The following PPP1R13B variants were observed in gnomAD, a reference collection of about 807,000 sequenced individuals.
The protein encoded by PPP1R13B is protein phosphatase 1 regulatory subunit 13B.
PPP1R13B carries 44 observed loss-of-function variants against 119.8 expected under a neutral mutation model. The ratio of observed to expected loss-of-function variants is 0.37; its 90% confidence interval spans 0.29 to 0.47. The LOEUF is 0.47. PPP1R13B is among the 20% of genes least tolerant of loss of function. The pLI is 0.99. For missense variants in PPP1R13B, 1,227 were observed against 1,413.5 expected (o/e 0.87, Z 2.12); for synonymous variants, 542 against 561.5 (o/e 0.97, Z 0.49).
chr14:103,824,291 G>A (rs536970340), intron 1 of PPP1R13B, among the ~76,000 whole-genome samples: 3 of 150,288 alleles, frequency 2.0e-5, no homozygotes, highest in East Asian at 2.0e-4. Context: ...TGATCTGCCC[G>A]CCTCGGCCTC....
chr14:103,847,884 G>C (rs1379916180), upstream of PPP1R13B: 1 of 155,042 alleles, frequency 6.4e-6, no homozygotes, highest in South Asian at 2.0e-4. Context: ...GGGAAGGGCC[G>C]GCCCGGGTCC....
In PPP1R13B at chr14:103,781,730, C is replaced by T. The variant is rs368499763; in HGVS notation, c.278-2909G>A. 5.3e-5 allele frequency among the ~76,000 whole-genome samples: 8 copies of T among 152,164 alleles called. No individual in the cohort carries two copies. In the East Asian group the frequency reaches 7.7e-4, roughly 15 times the overall value. ...GTAGTGGCGCGATCTCAGCTCGCTG[C>T]AAGCTCTGCCTCCCGGGTTCACACC... On this transcript the variant is annotated intron_variant, in intron 3 of 16. Transcript: ENST00000202556.
At chr14:103,837,537 A>T (rs772428400) in intron 1 of PPP1R13B, among the ~76,000 whole-genome samples, 5 of 151,716 alleles carry the variant, frequency 3.3e-5, no homozygotes, top group Admixed American at 3.3e-4. Flanking sequence ...TCTCTCTCTC[A>T]CACACACTTA....
intron 4 of PPP1R13B, chr14:103,759,185 C>T (rs575634074): frequency 6.6e-6 from 1 of 152,338 alleles, no homozygotes; most frequent in East Asian, 1.9e-4. Context: ...GTCTTGAACT[C>T]CTGACCTCGT....
chr14:103,802,348 T>G (rs2085920096), intron 1 of PPP1R13B, among the ~76,000 whole-genome samples: 1 of 152,128 alleles, frequency 6.6e-6, no homozygotes, highest in South Asian at 2.1e-4. Flanking sequence ...ATAATAAATT[T>G]TCCCAAATCA....
chr14:103,737,946 T>A (rs533125453), intron 14 of PPP1R13B, 86 bp from the exon 15 acceptor site: 1 of 1,414,430 alleles, frequency 7.1e-7, no homozygotes, highest in African/African-American at 1.4e-5. Flanking sequence ...CTAAGGAATC[T>A]CGCGGAAGGC....
intron 4 of PPP1R13B, chr14:103,763,288 C>T (rs919709826): frequency 1.9e-5 from 7 of 375,388 alleles, no homozygotes; most frequent in East Asian, 5.1e-5. Flanking sequence ...TAGCACAGTG[C>T]GTCCATTTAG....
intron 1 of PPP1R13B, chr14:103,846,672 A>T: frequency 2.2e-6 from 1 of 451,158 alleles, no homozygotes; most frequent in Non-Finnish European, 4.5e-6. Context: ...ATGTCTTTCT[A>T]GGCGAAAGCA....
chr14:103,771,612 T>C (rs909115526), intron 4 of PPP1R13B, among the ~76,000 whole-genome samples: 6 of 151,394 alleles, frequency 4.0e-5, no homozygotes, highest in Non-Finnish European at 5.9e-5. Flanking sequence ...CCCTGAGTAG[T>C]TGGGATTACA....
intron 4 of PPP1R13B, among the ~76,000 whole-genome samples, chr14:103,764,741 C>T (rs2084897783): frequency 6.6e-6 from 1 of 151,990 alleles, no homozygotes; most frequent in East Asian, 1.9e-4. Context: ...GTCTGCAGTG[C>T]CATTTTAAAA....
At chr14:103,782,487 T>A (rs2085360258) in intron 3 of PPP1R13B, among the ~76,000 whole-genome samples, 1 of 152,236 alleles carries the variant, frequency 6.6e-6, no homozygotes, top group Non-Finnish European at 1.5e-5. Context: ...TTAGGATAAA[T>A]TCTCAGAAAT....
intron 4 of PPP1R13B, among the ~76,000 whole-genome samples, chr14:103,774,724 T>A (rs780641948): frequency 2.0e-4 from 30 of 152,190 alleles, no homozygotes; most frequent in Non-Finnish European, 3.7e-4. Context: ...CTTATTAGCA[T>A]GTCATTATTC....
At chr14:103,828,284 A>T (rs1167049857) in intron 1 of PPP1R13B, among the ~76,000 whole-genome samples, 2 of 150,372 alleles carry the variant, frequency 1.3e-5, no homozygotes, top group Non-Finnish European at 2.9e-5. Context: ...CAGGAGAATC[A>T]CTTGAACCTG....
At chr14:103,839,552 GGGAGGT>G (rs1284630697) in intron 1 of PPP1R13B, among the ~76,000 whole-genome samples, 1 of 151,680 alleles carries the variant, frequency 6.6e-6, no homozygotes, top group African/African-American at 2.4e-5. Flanking sequence ...CCTTGAACCT[GGGAGGT>G]GGAGGTTGTG....
intron 1 of PPP1R13B, among the ~76,000 whole-genome samples, chr14:103,812,529 C>T (rs1037440474): frequency 3.3e-5 from 5 of 152,084 alleles, no homozygotes; most frequent in Non-Finnish European, 5.9e-5. Context: ...GAGCGATTCT[C>T]GTGACTCAGC....
chr14:103,780,485 CAAAAAAAA>C (rs34274916), intron 3 of PPP1R13B, among the ~76,000 whole-genome samples: 5 of 36,194 alleles, frequency 1.4e-4, no homozygotes, highest in Admixed American at 4.5e-4. Flanking sequence ...AACCCTGTCT[CAAAAAAAA>C]AAAAAAAAAA....
At chr14:103,808,038 C>T (rs540666201) in intron 1 of PPP1R13B, among the ~76,000 whole-genome samples, 12 of 151,812 alleles carry the variant, frequency 7.9e-5, no homozygotes, top group African/African-American at 2.7e-4. Flanking sequence ...GTCAGGAGTT[C>T]GAGACCAGCC....
rs373902638 is a variant in PPP1R13B at position 103,738,904 on chromosome 14, C to T, written c.2712G>A (p.Val904=). The T allele has an allele frequency of 2.5e-6, 4 of 1,613,884 alleles. No homozygotes were observed. Among genetic ancestry groups the T allele is most frequent in the African/African-American group, 2.7e-5 (2 of 74,936 alleles). ...AGCTCACCTCATAGATGATCCTCTG[C>T]ACCAGATCGAACTCTCCTTCCAGAG... ...DASLEGEFDL[V]QRIIYEVEDP... The change falls in exon 13 of 17, where the codon GTG becomes GTA. Residue 904 remains valine (V), a synonymous_variant. Transcript: ENST00000202556. This position sits in a 1 kb window ranked among gnomAD's most constrained non-coding sequence, Gnocchi z 5.6.
intron 3 of PPP1R13B, among the ~76,000 whole-genome samples, chr14:103,779,254 AC>A (rs2085283090): frequency 6.6e-6 from 1 of 152,076 alleles, no homozygotes; most frequent in Admixed American, 6.6e-5. Context: ...GGGCTACTGC[AC>A]AATCTTGCTC....
Sources: allele counts gnomAD v4.1 joint callset (sites outside exome capture counted in the v4.1 genomes callset), GRCh38; gene constraint gnomAD v4.1.1; non-coding constraint Gnocchi (gnomAD v3.1); transcripts MANE v1.5; gene names NCBI Gene and HGNC (gene_info 2026-07-23, HGNC 2026-07-21).